ARID1B: variants seen among roughly 807,000 people sequenced by gnomAD.
ARID1B encodes the protein AT-rich interactive domain-containing protein 1B.
In ARID1B, 30 loss-of-function variants were observed where a neutral mutation model predicts 212.3. That is an observed-to-expected ratio of 0.14 (90% CI 0.11 to 0.19). The LOEUF is 0.19. ARID1B is among the 10% of genes least tolerant of loss of function. ARID1B has a pLI of 1.00. For missense variants in ARID1B, 2,891 were observed against 3,204.0 expected, an observed-to-expected ratio of 0.90 and a Z score of 2.36; for synonymous variants, 1,402 against 1,301.7, an observed-to-expected ratio of 1.08 and a Z score of -1.66.
chr6:156,961,912 T>C (rs1014218595), intron 4 of ARID1B, among the ~76,000 whole-genome samples: 6 of 152,146 alleles, frequency 3.9e-5, no homozygotes, highest in Non-Finnish European at 8.8e-5. Flanking sequence ...CTAAGTCAAT[T>C]TCACCATAAC....
In ARID1B at chr6:157,190,458, T is replaced by C. The variant is rs1455285020; in HGVS notation, c.4231+248T>C. Among the ~76,000 whole-genome samples the C allele has an allele frequency of 3.9e-5, 6 of 152,204 alleles. No homozygotes were observed. The highest frequency in any genetic ancestry group is 3.9e-4 in the Admixed American group (6 of 15,282). ...CTGGCACATGCTCCCTGTTTCCGGA[T>C]ACCTGCCACCTCCTTACACGTGCCA... On this transcript the variant is annotated intron_variant, in intron 15 of 19. Coordinates refer to ENST00000636930, the MANE Select transcript of ARID1B (RefSeq NM_001374828.1). The surrounding 1 kb of genome is among the most constrained non-coding windows in gnomAD (Gnocchi z 4.6).
chr6:156,849,383 G>A (rs1784431975), intron 2 of ARID1B, among the ~76,000 whole-genome samples: 1 of 152,142 alleles, frequency 6.6e-6, no homozygotes, highest in Non-Finnish European at 1.5e-5. Flanking sequence ...ACATTGGTAA[G>A]GAATTTGGTA....
intron 4 of ARID1B, among the ~76,000 whole-genome samples, chr6:157,081,982 C>T (rs927638759): frequency 4.6e-5 from 7 of 151,842 alleles, no homozygotes; most frequent in Non-Finnish European, 1.0e-4. Flanking sequence ...GATGGCTGTT[C>T]TCTGACTGCC....
chr6:156,901,229 G>A (rs1788902386), intron 2 of ARID1B, 147 bp from the exon 3 acceptor site: 2 of 924,782 alleles, frequency 2.2e-6, no homozygotes, highest in South Asian at 1.6e-5. Flanking sequence ...GCAGCGTGTC[G>A]ATTTGTTTAA....
intron 2 of ARID1B, among the ~76,000 whole-genome samples, chr6:156,857,832 A>T (rs960929436): frequency 9.2e-5 from 14 of 152,354 alleles, no homozygotes; most frequent in African/African-American, 3.4e-4. Context: ...CACCTAGGCT[A>T]TATAACAGAG....
At chr6:157,086,941 A>G (rs1457219772) in intron 5 of ARID1B, among the ~76,000 whole-genome samples, 1 of 152,154 alleles carries the variant, frequency 6.6e-6, no homozygotes, top group Non-Finnish European at 1.5e-5. Flanking sequence ...TCTCACTATC[A>G]TTTCTCCCTG....
rs759558356 is a variant in ARID1B, at chr6:157,208,532, T to TA, written c.*642dup. 3 of 232,990 alleles carry TA rather than the reference T, an allele frequency of 1.3e-5. No homozygotes were observed. 14.4% of individuals were successfully genotyped at this position (232,990 alleles called of 1,614,324 possible). A position where few individuals can be genotyped will look rare whatever the true frequency, so the allele number is the denominator to read the frequency against. On this transcript the variant is annotated 3_prime_UTR_variant, in exon 20 of 20. Transcript: ENST00000636930. ...AATGTTTTTTAAGATTGAGAATACATACCTGACAACGATCCGGAAACTGCT... is the reference window on the plus strand; with the variant it reads ...AATGTTTTTTAAGATTGAGAATACATAACCTGACAACGATCCGGAAACTGCT...
At chr6:156,811,017 A>G (rs952328692) in intron 1 of ARID1B, among the ~76,000 whole-genome samples, 15 of 152,198 alleles carry the variant, frequency 9.9e-5, no homozygotes, top group Middle Eastern at 6.8e-3. Flanking sequence ...ATTCTCATCT[A>G]GAGGCTTGAC....
chr6:157,174,500 T>C (rs1791952585), intron 10 of ARID1B, among the ~76,000 whole-genome samples: 1 of 151,828 alleles, frequency 6.6e-6, no homozygotes, highest in African/African-American at 2.4e-5. Context: ...AATATTTTGC[T>C]TTCCTGCCTT....
At chr6:156,992,366 T>G (rs1268271094) in intron 4 of ARID1B, among the ~76,000 whole-genome samples, 1 of 152,232 alleles carries the variant, frequency 6.6e-6, no homozygotes, top group Non-Finnish European at 1.5e-5. Context: ...TGTTATATGT[T>G]AATATCTCGT....
intron 3 of ARID1B, among the ~76,000 whole-genome samples, chr6:156,933,648 T>G (rs1791934722): frequency 6.6e-6 from 1 of 152,236 alleles, no homozygotes; most frequent in African/African-American, 2.4e-5. Context: ...TACTCTCACC[T>G]TATTGTTATC....
chr6:157,046,587 G>GT (rs2128543961), intron 4 of ARID1B, among the ~76,000 whole-genome samples: 1 of 152,230 alleles, frequency 6.6e-6, no homozygotes, highest in Non-Finnish European at 1.5e-5. Context: ...AAGTACAAGT[G>GT]TTTTACCATT....
rs557560602 is a variant in ARID1B, at chr6:157,184,217, G to T, written c.3715-14G>T. On this transcript the variant is annotated splice_polypyrimidine_tract_variant and intron_variant, in intron 12 of 19. Coordinates refer to ENST00000636930, the MANE Select transcript of ARID1B (RefSeq NM_001374828.1). ...TTTGTTGCAAACCAATGATCCTGCCGTGTTTTTCACTAGGTTAATAAAAAC... is the reference window on the plus strand; with the variant it reads ...TTTGTTGCAAACCAATGATCCTGCCTTGTTTTTCACTAGGTTAATAAAAAC... 50 of 1,592,918 alleles carry T rather than the reference G, an allele frequency of 3.1e-5. No homozygotes were observed. The highest frequency in any genetic ancestry group is 3.6e-5 in the Non-Finnish European group (42 of 1,166,594).
rs138512929 is a variant in ARID1B at position 156,840,782 on chromosome 6, C to CAGTA, written c.1986+11361_1986+11362insAGTA. ...AGTGGTTTTCTGTCTTGCTGTCTTG[C>CAGTA]TGTGTCATGTCCGGGGTCTGTGTTT... is the stretch of plus-strand genomic sequence containing the variant. On this transcript the variant is annotated intron_variant, in intron 2 of 19. Transcript: ENST00000636930. 5.8e-5 allele frequency among the ~76,000 whole-genome samples: 4 copies of CAGTA among 69,132 alleles called. No homozygotes were observed. The East Asian group carries it at 1.6e-3, about 27-fold the overall frequency. 45.4% of individuals were successfully genotyped at this position (69,132 alleles called of 152,430 possible).
At chr6:157,036,247 C>T (rs1781320620) in intron 4 of ARID1B, 1 of 152,330 alleles carries the variant, frequency 6.6e-6, no homozygotes, top group African/African-American at 2.4e-5. Flanking sequence ...TTAATGAGCT[C>T]TGTCTTCTAT....
In ARID1B at chr6:157,196,216, G is replaced by A. The variant is rs1483614844; in HGVS notation, c.4283G>A (p.Ser1428Asn). ...ACGCAAGGACAGATGCCCAACAGCA[G>A]CATGCAGGACATGTACAACCAAAGT... is the stretch of plus-strand genomic sequence containing the variant. Reference protein sequence around the residue: ...FMTQGQMPNSSMQDMYNQSPS... With the variant: ...FMTQGQMPNSNMQDMYNQSPS... Residue 1428 changes from serine to asparagine, a missense_variant, in exon 16 of 20, where the codon AGC becomes AAC. Coordinates refer to ENST00000636930, the MANE Select transcript of ARID1B (RefSeq NM_001374828.1). The A allele has an allele frequency of 2.5e-6, 4 of 1,613,802 alleles. No homozygotes were observed. In the African/African-American group the frequency reaches 5.3e-5, roughly 22 times the overall value.
At chr6:156,831,554 AAGAATGATTACCT>A (rs1272483375) in intron 2 of ARID1B, among the ~76,000 whole-genome samples, 4 of 152,362 alleles carry the variant, frequency 2.6e-5, no homozygotes, top group African/African-American at 9.6e-5. Flanking sequence ...AGGGTGTGTG[AAGAATGATTACCT>A]AGGAAATGTT....
rs1193181993 is a variant in ARID1B, at chr6:156,778,640, T to A, written c.960T>A (p.Ala320=). 1 of 1,465,440 alleles carries A rather than the reference T, an allele frequency of 6.8e-7. No individual in the cohort carries two copies. The highest frequency in any genetic ancestry group is 9.1e-7 in the Non-Finnish European group (1 of 1,104,366). 90.8% of individuals were successfully genotyped at this position (1,465,440 alleles called of 1,614,324 possible). Residue 320 remains alanine, a synonymous_variant, in exon 1 of 20, where the codon GCT becomes GCA. Coordinates refer to ENST00000636930, the MANE Select transcript of ARID1B (RefSeq NM_001374828.1). The part of the protein sequence containing the change: ...VPEFNNYYGS[A]APASGGPGGR... ...AGTTTAATAATTACTATGGCAGCGC[T>A]GCCCCTGCGAGCGGCGGCCCCGGCG...
intron 4 of ARID1B, among the ~76,000 whole-genome samples, chr6:157,020,162 TTTTA>T (rs1192113654): frequency 2.6e-5 from 4 of 152,202 alleles, no homozygotes; most frequent in Non-Finnish European, 4.4e-5. Flanking sequence ...TCAGGAAATG[TTTTA>T]TTTAAGAAAA....
Sources: allele counts gnomAD v4.1 joint callset (sites outside exome capture counted in the v4.1 genomes callset), GRCh38; gene constraint gnomAD v4.1.1; non-coding constraint Gnocchi (gnomAD v3.1); transcripts MANE v1.5; gene names NCBI Gene and HGNC (gene_info 2026-07-23, HGNC 2026-07-21).